NALCN: variants seen among roughly 807,000 people sequenced by gnomAD.
NALCN encodes sodium leak channel NALCN.
In NALCN, 111 loss-of-function variants were observed where a neutral mutation model predicts 225.3. The observed-to-expected ratio is 0.49, with a 90% confidence interval of 0.42 to 0.58. The LOEUF is 0.58. NALCN is among the 20% of genes least tolerant of loss of function. The pLI, the probability that NALCN is intolerant of heterozygous loss-of-function variation, is 0.00. For synonymous variants in NALCN, 764 were observed against 769.0 expected (o/e 0.99, Z 0.11); for missense variants, 1,378 against 2,202.4 (o/e 0.63, Z 7.49).
At chr13:101,122,141 G>A (rs1594250658) in intron 18 of NALCN, among the ~76,000 whole-genome samples, 2 of 152,082 alleles carry the variant, frequency 1.3e-5, no homozygotes, top group Middle Eastern at 3.4e-3. Context: ...CTATTACTAC[G>A]ATTAGTGGTG....
intron 13 of NALCN, among the ~76,000 whole-genome samples, chr13:101,208,412 G>A (rs2040402396): frequency 6.6e-6 from 1 of 152,244 alleles, no homozygotes; most frequent in African/African-American, 2.4e-5. Context: ...GCAAGGGTCT[G>A]CGGCTTCATT....
chr13:101,378,650 C>A lies in NALCN; in HGVS notation c.295G>T (p.Asp99Tyr). The change falls in exon 4 of 44, where the codon GAT becomes TAT. Residue 99 changes from aspartate (D) to tyrosine (Y), a missense_variant. Physicochemically the swap from Asp to Tyr is radical, Grantham distance 160. Coordinates refer to ENST00000251127, the MANE Select transcript of NALCN (RefSeq NM_052867.4). ...CAGCGATCTTTCACATAGGAACTAT[C>A]CCCCTAAAAATAAATTTTACATGGC... The part of the protein sequence containing the change: ...KMHIRGIVKG[D>Y]SSYVKDRWCV... The A allele has an allele frequency of 6.2e-7, 1 of 1,607,002 alleles. No homozygotes were observed. The highest frequency in any genetic ancestry group is 8.5e-7 in the Non-Finnish European group (1 of 1,176,244).
chr13:101,217,776 A>C (rs1483246032), intron 13 of NALCN, among the ~76,000 whole-genome samples: 2 of 152,136 alleles, frequency 1.3e-5, no homozygotes, highest in Non-Finnish European at 2.9e-5. Flanking sequence ...TCCATAACTG[A>C]TCTACTCTGT....
intron 6 of NALCN, among the ~76,000 whole-genome samples, chr13:101,352,308 T>A (rs2045928641): frequency 6.6e-6 from 1 of 152,128 alleles, no homozygotes; most frequent in Non-Finnish European, 1.5e-5. Context: ...TGGCAGATGG[T>A]GGGTACTGGG....
intron 7 of NALCN, among the ~76,000 whole-genome samples, chr13:101,308,126 C>T (rs915811725): frequency 6.6e-6 from 1 of 152,142 alleles, no homozygotes; most frequent in Non-Finnish European, 1.5e-5. Flanking sequence ...AGTCAAATTT[C>T]ATGGCTTCAT....
intron 1 of NALCN, among the ~76,000 whole-genome samples, chr13:101,400,467 A>G (rs1028208400): frequency 3.9e-5 from 6 of 152,026 alleles, no homozygotes; most frequent in African/African-American, 1.4e-4. Context: ...CTGGTGCTCC[A>G]TGGGTCTAGA....
chr13:101,360,999 C>G (rs2046236918), intron 6 of NALCN, among the ~76,000 whole-genome samples: 1 of 152,128 alleles, frequency 6.6e-6, no homozygotes, highest in Non-Finnish European at 1.5e-5. Context: ...AATTGCAAAA[C>G]TAAAATTTTA....
intron 28 of NALCN, among the ~76,000 whole-genome samples, chr13:101,092,660 C>G (rs903172624): frequency 6.6e-6 from 1 of 152,104 alleles, no homozygotes; most frequent in African/African-American, 2.4e-5. Flanking sequence ...GTACCCTTAG[C>G]CTTTCTGTAG....
At chr13:101,144,666 C>A in intron 16 of NALCN, 94 bp downstream of exon 16, 2 of 1,282,962 alleles carry the variant, frequency 1.6e-6, no homozygotes, top group Non-Finnish European at 2.1e-6. Context: ...GAAACCCAAC[C>A]CACATATACT....
intron 15 of NALCN, among the ~76,000 whole-genome samples, chr13:101,154,372 C>T (rs2037801680): frequency 6.6e-6 from 1 of 152,158 alleles, no homozygotes; most frequent in Non-Finnish European, 1.5e-5. Context: ...ACTTGTGAAT[C>T]TTGTGCCTGT....
rs1392183287 is a variant in NALCN, at chr13:101,083,130, A to G, written c.3652T>C (p.Leu1218=). 2 of 1,614,196 alleles carry G rather than the reference A, an allele frequency of 1.2e-6. No individual in the cohort carries two copies. Among genetic ancestry groups the G allele is most frequent in the African/African-American group, 1.3e-5 (1 of 75,064 alleles). ...AACACCGACTGGGCCAGGACGAGTA[A>G]TGCGATTGTCCTCTTAAAAAATGGA... ...QHPFFKRTIA[L]LVLAQSVLLS... The change falls in exon 32 of 44, where the codon TTA becomes CTA. Residue 1218 remains leucine, a synonymous_variant. Transcript: ENST00000251127.
At chr13:101,233,962 C>T (rs1263025361) in intron 12 of NALCN, among the ~76,000 whole-genome samples, 1 of 152,212 alleles carries the variant, frequency 6.6e-6, no homozygotes, top group Non-Finnish European at 1.5e-5. Flanking sequence ...AATCATGCAC[C>T]CACCTCAGGA....
intron 11 of NALCN, among the ~76,000 whole-genome samples, chr13:101,250,910 A>C (rs1398820937): frequency 2.0e-5 from 3 of 152,038 alleles, no homozygotes; most frequent in Non-Finnish European, 4.4e-5. Context: ...TACGAAAAAA[A>C]GGTCAAATCT....
intron 11 of NALCN, among the ~76,000 whole-genome samples, chr13:101,251,849 C>A (rs2042072080): frequency 6.6e-6 from 1 of 152,154 alleles, no homozygotes. Context: ...TAACTTCTCT[C>A]AGCGAACTAG....
chr13:101,193,488 A>C (rs956027169), intron 13 of NALCN, among the ~76,000 whole-genome samples: 4 of 152,198 alleles, frequency 2.6e-5, no homozygotes, highest in African/African-American at 4.8e-5. Context: ...AAGTTCTTCC[A>C]CTTATCCTTT....
chr13:101,099,631 TA>T (rs1200299086), intron 27 of NALCN, among the ~76,000 whole-genome samples: 1 of 152,208 alleles, frequency 6.6e-6, no homozygotes. Context: ...CACTTTATGA[TA>T]TTACAAAAAT....
chr13:101,319,543 C>T (rs1303838930), intron 7 of NALCN, among the ~76,000 whole-genome samples: 1 of 152,098 alleles, frequency 6.6e-6, no homozygotes, highest in Non-Finnish European at 1.5e-5. Context: ...TATTTGATTA[C>T]ATGTTTTTAG....
Position 101,190,941 on chromosome 13 carries a change from T to G in NALCN, c.1764+976A>C, listed in dbSNP as rs139619961. On this transcript the variant is annotated intron_variant, in intron 14 of 43. Coordinates refer to ENST00000251127, the MANE Select transcript of NALCN (RefSeq NM_052867.4). Reference sequence around the variant, plus strand: ...CTAGATCAGACAGACCTGGGAACACTCTGGTCATATTTACATTCCATGTGA... The same window carrying G: ...CTAGATCAGACAGACCTGGGAACACGCTGGTCATATTTACATTCCATGTGA... 5.3e-4 allele frequency among the ~76,000 whole-genome samples: 80 copies of G among 152,300 alleles called. 1 individual carries two copies. The East Asian group carries it at 0.015, about 29-fold the overall frequency.
chr13:101,180,905 T>G, intron 14 of NALCN: 2 of 378,992 alleles, frequency 5.3e-6, no homozygotes, highest in Non-Finnish European at 1.0e-5. Flanking sequence ...TTATTTCTTC[T>G]CAGAAAGCAG....
Sources: allele counts gnomAD v4.1 joint callset (sites outside exome capture counted in the v4.1 genomes callset), GRCh38; gene constraint gnomAD v4.1.1; transcripts MANE v1.5; gene names NCBI Gene and HGNC (gene_info 2026-07-23, HGNC 2026-07-21).